Variants in ARSG observed in about 807,000 individuals in gnomAD.
The protein encoded by ARSG is arylsulfatase G, also known as ASG.
ARSG carries 37 observed loss-of-function variants against 50.5 expected under a neutral mutation model. The ratio of observed to expected loss-of-function variants is 0.73; its 90% CI spans 0.56 to 0.96. The LOEUF is 0.96. ARSG is among the 50% of genes least tolerant of loss of function. The pLI, the probability that ARSG is intolerant of heterozygous loss-of-function variation, is 0.00. For missense variants in ARSG, 629 were observed against 675.3 expected (o/e 0.93, Z 0.76); for synonymous variants, 225 against 254.6 (o/e 0.88, Z 1.11).
At chr17:68,358,705 A>G (rs1256755996) in intron 6 of ARSG, among the ~76,000 whole-genome samples, 1 of 151,174 alleles carries the variant, frequency 6.6e-6, no homozygotes, top group Non-Finnish European at 1.5e-5. Context: ...AAAAATTAAT[A>G]CAAGTTATTA....
chr17:68,278,867 G>A (rs1460544347), intron 1 of ARSG, among the ~76,000 whole-genome samples: 16 of 151,778 alleles, frequency 1.1e-4, no homozygotes, highest in African/African-American at 3.4e-4. Flanking sequence ...GGATCCACCC[G>A]CCTTGACCTC....
At chr17:68,275,808 C>T (rs1056278801) in intron 1 of ARSG, among the ~76,000 whole-genome samples, 29 of 151,778 alleles carry the variant, frequency 1.9e-4, no homozygotes, top group African/African-American at 6.0e-4. Context: ...AGCAAAACCC[C>T]GTCTCTACTA....
At chr17:68,416,221 A>G (rs369574640) in intron 11 of ARSG, among the ~76,000 whole-genome samples, 1 of 152,086 alleles carries the variant, frequency 6.6e-6, no homozygotes, top group Admixed American at 6.6e-5. Context: ...TGTAGTGGTG[A>G]CTTGGTAGTG....
At chr17:68,403,654 A>T (rs780302854) in intron 11 of ARSG, among the ~76,000 whole-genome samples, 7 of 152,350 alleles carry the variant, frequency 4.6e-5, no homozygotes, top group African/African-American at 7.2e-5. Context: ...TCTTGAAAAG[A>T]CAACCAGTCT....
chr17:68,356,710 T>C lies in ARSG; in HGVS notation c.610T>C (p.Tyr204His). 6.2e-7 allele frequency: 1 copy of C among 1,614,210 alleles called. No homozygotes were observed. The highest frequency in any genetic ancestry group is 8.5e-7 in the Non-Finnish European group (1 of 1,180,030). The stretch of plus-strand genomic sequence containing the variant: ...TTACACTGACGTGGCCCTCCCTCTT[T>C]ATGAAAACCTCAACATTGTGGAGCA... ...DCYTDVALPLYENLNIVEQPV... is the reference protein window; with the variant it reads ...DCYTDVALPLHENLNIVEQPV... The change falls in exon 6 of 12, where the codon TAT becomes CAT. Residue 204 changes from tyrosine to histidine, a missense_variant. Tyr to His is a moderately conservative substitution (Grantham distance 83). Coordinates refer to ENST00000621439, the MANE Select transcript of ARSG (RefSeq NM_001267727.2).
chr17:68,346,916 A>C, intron 3 of ARSG: 1 of 1,489,182 alleles, frequency 6.7e-7, no homozygotes, highest in Non-Finnish European at 9.0e-7. Flanking sequence ...TTCCCGTGTG[A>C]GTCTGGGGTC....
In ARSG at chr17:68,372,824, C is replaced by A. The variant is rs574766364; in HGVS notation, c.982+2300C>A. 2.0e-5 allele frequency among the ~76,000 whole-genome samples: 3 copies of A among 151,354 alleles called. No individual in the cohort carries two copies. In the East Asian group the frequency reaches 5.8e-4, roughly 29 times the overall value. ...AGTCTGGCAGGATAATTGTAGTTACCTAGAAACTGAAGCATTGTGCGCCTC... is the reference window on the plus strand; with the variant it reads ...AGTCTGGCAGGATAATTGTAGTTACATAGAAACTGAAGCATTGTGCGCCTC... On this transcript the variant is annotated intron_variant, in intron 8 of 11. Coordinates refer to ENST00000621439, the MANE Select transcript of ARSG (RefSeq NM_001267727.2).
At position 68,282,779 on chromosome 17, in the gene ARSG, T is replaced by TAAAAAAAAAAAAAAAAAAAAA. The variant is rs36155626; in HGVS notation, c.-552+23354_-552+23374dup. 1.8e-3 allele frequency among the ~76,000 whole-genome samples: 96 copies of TAAAAAAAAAAAAAAAAAAAAA among 53,384 alleles called. 8 individuals are homozygous for TAAAAAAAAAAAAAAAAAAAAA. The highest frequency in any genetic ancestry group is 6.1e-3 in the African/African-American group (66 of 10,772). 35.0% of individuals were successfully genotyped at this position (53,384 alleles called of 152,430 possible). ...CAACATAGTGAAACCCCATCTCTAC[T>TAAAAAAAAAAAAAAAAAAAAA]AAAAAAAAAAAAAAAAAAAAAGGCC... On this transcript the variant is annotated intron_variant, in intron 1 of 11. Coordinates refer to the ARSG transcript ENST00000448504.
intron 2 of ARSG, among the ~76,000 whole-genome samples, chr17:68,334,307 CT>C (rs1362544164): frequency 6.6e-6 from 1 of 152,188 alleles, no homozygotes; most frequent in East Asian, 1.9e-4. Context: ...ATGAACCCAT[CT>C]TCTGGGACTG....
At chr17:68,334,863 G>A (rs978854063) in intron 2 of ARSG, among the ~76,000 whole-genome samples, 5 of 152,142 alleles carry the variant, frequency 3.3e-5, no homozygotes, top group Admixed American at 1.3e-4. Flanking sequence ...CCCAGAAACT[G>A]GCATGTAGGG....
chr17:68,264,619 TAG>T (rs1555745950), intron 1 of ARSG, among the ~76,000 whole-genome samples: 2 of 151,924 alleles, frequency 1.3e-5, no homozygotes, highest in African/African-American at 4.8e-5. Context: ...GTATTTTTAG[TAG>T]AGATGGGGTT....
chr17:68,350,609 A>C (rs919570848), intron 4 of ARSG, among the ~76,000 whole-genome samples: 3 of 151,212 alleles, frequency 2.0e-5, no homozygotes, highest in Non-Finnish European at 4.4e-5. Context: ...CACGGTGAAA[A>C]CCCATCTCTA....
At chr17:68,366,058 C>T (rs1298855770) in intron 6 of ARSG, among the ~76,000 whole-genome samples, 1 of 152,096 alleles carries the variant, frequency 6.6e-6, no homozygotes, top group Non-Finnish European at 1.5e-5. Context: ...CTGCCTCAGC[C>T]TCCCGAGTAG....
At chr17:68,427,699 G>A (rs1036884716), downstream of ARSG, 2 of 158,494 alleles carry the variant, frequency 1.3e-5, no homozygotes, top group East Asian at 1.9e-4. Context: ...GTCACACACC[G>A]TCAAAATGGC....
the ARSG span, chr17:68,428,674 C>T: frequency 1.0e-3 from 605 of 604,444 alleles, 4 homozygotes; most frequent in African/African-American, 9.3e-3. Flanking sequence ...ACACAGAGCC[C>T]GGTGCAGAGC....
chr17:68,379,422 T>TTTTC (rs2080318182), intron 8 of ARSG, among the ~76,000 whole-genome samples: 1 of 15,310 alleles, frequency 6.5e-5, no homozygotes, highest in African/African-American at 1.9e-4. Flanking sequence ...AACACTACAA[T>TTTTC]TTTTTTTTTT....
chr17:68,300,736 G>C (rs73998076), intron 1 of ARSG, among the ~76,000 whole-genome samples: 5,827 of 152,146 alleles, frequency 0.038, 387 homozygotes, highest in African/African-American at 0.13. Flanking sequence ...TCAACAGGTG[G>C]TTCGAGCCTA....
At chr17:68,380,672 G>A (rs1599978254) in intron 8 of ARSG, among the ~76,000 whole-genome samples, 1 of 152,168 alleles carries the variant, frequency 6.6e-6, no homozygotes, top group African/African-American at 2.4e-5. Flanking sequence ...AAATGTTTAT[G>A]TTATTGGTAC....
At chr17:68,428,818 A>G in the ARSG span, 2 of 1,599,486 alleles carry the variant, frequency 1.3e-6, no homozygotes, top group Non-Finnish European at 1.7e-6. Context: ...TTTGAAAAGC[A>G]GTCTCTTCAC....
Sources: allele counts gnomAD v4.1 joint callset (sites outside exome capture counted in the v4.1 genomes callset), GRCh38; gene constraint gnomAD v4.1.1; transcripts MANE v1.5; gene names NCBI Gene and HGNC (gene_info 2026-07-23, HGNC 2026-07-21).